Variants in RNF213 observed in about 807,000 individuals in gnomAD.
RNF213 encodes E3 ubiquitin-protein ligase RNF213.
RNF213 carries 341 observed loss-of-function variants against 514.4 expected under a neutral mutation model. The observed-to-expected ratio is 0.66, with a 90% CI of 0.61 to 0.73. RNF213 has a LOEUF of 0.73. RNF213 is among the 30% of genes least tolerant of loss of function. The pLI is 0.00. For missense variants in RNF213, 5,767 were observed against 6,615.6 expected (o/e 0.87, Z 4.45); for synonymous variants, 2,655 against 2,658.2 (o/e 1.00, Z 0.04).
intron 3 of RNF213, among the ~76,000 whole-genome samples, chr17:80,287,008 T>C (rs1447357627): frequency 6.6e-6 from 1 of 152,210 alleles, no homozygotes; most frequent in Non-Finnish European, 1.5e-5. Context: ...TCAAATTTTA[T>C]GTACGAAATA....
At chr17:80,368,562 A>T (rs1231061477) in intron 44 of RNF213, among the ~76,000 whole-genome samples, 2 of 151,648 alleles carry the variant, frequency 1.3e-5, no homozygotes, top group Non-Finnish European at 2.9e-5. Context: ...CCTCCCAAGT[A>T]GCTGGGATTA....
chr17:80,307,331 T>TAAATTAATATGTG (rs2045399856), intron 13 of RNF213, 130 bp downstream of exon 13: 2 of 753,240 alleles, frequency 2.7e-6, no homozygotes, highest in African/African-American at 3.6e-5. Context: ...TGTGGCCCAC[T>TAAATTAATATGTG]TCTCTTCTCA....
rs1056484153 is a variant in RNF213, at chr17:80,377,118, T to C, written c.13510+155T>C. On this transcript the variant is annotated intron_variant, in intron 53 of 67. Coordinates refer to ENST00000582970, the MANE Select transcript of RNF213 (RefSeq NM_001256071.3). The surrounding 1 kb of genome is among the most constrained non-coding windows in gnomAD (Gnocchi z 4.1). ...ACCGGTGGCGTCTGCAGAAGACGAA[T>C]GGCTTGAAGGAGCTGGCACTCCGCC... is the stretch of plus-strand genomic sequence containing the variant. The C allele has an allele frequency of 8.9e-6, 6 of 674,822 alleles. No homozygotes were observed. Among genetic ancestry groups the C allele is most frequent in the African/African-American group, 3.6e-5 (2 of 56,274 alleles). The allele number at this position is 674,822 out of a possible 1,614,324, so 41.8% of individuals were successfully genotyped here. A position where few individuals can be genotyped will look rare whatever the true frequency, so the allele number is the denominator to read the frequency against.
At chr17:80,320,777 C>T (rs144159221) in intron 17 of RNF213, 1,546 of 152,234 alleles carry the variant, frequency 0.01, 16 homozygotes, top group Non-Finnish European at 0.016. Flanking sequence ...GAGTTCAAGA[C>T]AAGCCTGGGT....
Position 80,332,241 on chromosome 17 carries a change from G to C in RNF213, c.3753G>C (p.Gln1251His). 1 of 1,537,224 alleles carries C rather than the reference G, an allele frequency of 6.5e-7. No homozygotes were observed. The highest frequency in any genetic ancestry group is 8.7e-7 in the Non-Finnish European group (1 of 1,146,918). ...AEPLSEPKEDQEAAELLSEPE... is the reference protein window; with the variant it reads ...AEPLSEPKEDHEAAELLSEPE... ...CGCTGAGTGAGCCTAAGGAGGACCA[G>C]GAAGCCGCAGAGTTGCTGAGTGAGC... Residue 1251 changes from glutamine (Q) to histidine (H), a missense_variant, in exon 21 of 68, where the codon CAG (glutamine) becomes CAC (histidine). Coordinates refer to ENST00000582970, the MANE Select transcript of RNF213 (RefSeq NM_001256071.3).
At chr17:80,283,003 C>G (rs2044351443) in intron 3 of RNF213, among the ~76,000 whole-genome samples, 1 of 152,074 alleles carries the variant, frequency 6.6e-6, no homozygotes, top group Non-Finnish European at 1.5e-5. Context: ...TGGCCTGATT[C>G]AATATTTTAA....
chr17:80,371,232 C>G (rs1424992266), intron 46 of RNF213, among the ~76,000 whole-genome samples: 1 of 152,234 alleles, frequency 6.6e-6, no homozygotes, highest in African/African-American at 2.4e-5. Flanking sequence ...CAACTAACCT[C>G]TAGACATGAC....
At chr17:80,267,486 G>A (rs1370589145) in intron 2 of RNF213, among the ~76,000 whole-genome samples, 2 of 152,164 alleles carry the variant, frequency 1.3e-5, no homozygotes, top group African/African-American at 2.4e-5. Flanking sequence ...CAAATGATTA[G>A]AGAGTGAAAC....
intron 2 of RNF213, among the ~76,000 whole-genome samples, chr17:80,265,184 C>T (rs113179528): frequency 0.03 from 4,622 of 151,958 alleles, 107 homozygotes; most frequent in East Asian, 0.11. Flanking sequence ...GTAGCTGGGA[C>T]TACTGGTACC....
At chr17:80,285,229 C>A (rs1054065405) in intron 3 of RNF213, among the ~76,000 whole-genome samples, 1 of 152,236 alleles carries the variant, frequency 6.6e-6, no homozygotes, top group Non-Finnish European at 1.5e-5. Flanking sequence ...CATCTGCTGT[C>A]TCCACTTTAA....
chr17:80,345,937 G>A lies in RNF213; in HGVS notation c.7602G>A (p.Met2534Ile), dbSNP rs944185612. The change falls in exon 29 of 68, where the codon ATG becomes ATA. Residue 2534 changes from methionine (M) to isoleucine (I), a missense_variant. Physicochemically the swap from Met to Ile is conservative, Grantham distance 10 (BLOSUM62 1). Around this residue, in one of 13 missense-constraint regions of RNF213, gnomAD observed 1,377 missense variants for 1,635.2 expected, o/e 0.84. Coordinates refer to ENST00000582970, the MANE Select transcript of RNF213 (RefSeq NM_001256071.3). The surrounding 1 kb of genome is among the most constrained non-coding windows in gnomAD (Gnocchi z 6.0). ...CATACCGGAAGCACTCTGAGGAGAT[G>A]ATCTGCCGTTTGGAGTCAGCTGGTT... Reference protein sequence around the residue: ...CNPYRKHSEEMICRLESAGLG... With the variant: ...CNPYRKHSEEIICRLESAGLG... 3.7e-6 allele frequency: 6 copies of A among 1,614,126 alleles called. No individual in the cohort carries two copies. In the African/African-American group the frequency reaches 5.3e-5, roughly 14 times the overall value.
chr17:80,368,024 C>A lies in RNF213; in HGVS notation c.12036C>A (p.Cys4012Ter). 1 of 1,614,254 alleles carries A rather than the reference C, an allele frequency of 6.2e-7. No homozygotes were observed. The highest frequency in any genetic ancestry group is 8.5e-7 in the Non-Finnish European group (1 of 1,180,048). The change falls in exon 44 of 68, where the codon TGC becomes TGA. Residue 4012 changes from cysteine to a stop codon, truncating the protein, a stop_gained. Transcript: ENST00000582970. LOFTEE classifies it high-confidence loss of function. Reference protein sequence around the residue: ...GDAKDPVCLPCDHVHCLRCLR... With the variant: ...GDAKDPVCLP Reference sequence around the variant, plus strand: ...CAAAGGACCCCGTCTGTCTGCCCTGCGACCACGTGCACTGCCTGCGCTGCC... The same window carrying A: ...CAAAGGACCCCGTCTGTCTGCCCTGAGACCACGTGCACTGCCTGCGCTGCC...
At chr17:80,350,504 A>C (rs1047788840) in intron 31 of RNF213, 108 bp downstream of exon 31, 3 of 725,134 alleles carry the variant, frequency 4.1e-6, no homozygotes, top group African/African-American at 3.5e-5. Flanking sequence ...CAGTATAGAA[A>C]TAAAAATAAC....
intron 9 of RNF213, among the ~76,000 whole-genome samples, 166 bp from the exon 10 acceptor site, chr17:80,295,391 A>C (rs2044897387): frequency 6.6e-6 from 1 of 152,194 alleles, no homozygotes; most frequent in African/African-American, 2.4e-5. Context: ...CTGAGCCCTC[A>C]TGCCAGGGTC....
At chr17:80,367,646 C>G (rs1051876931) in intron 42 of RNF213, 102 bp from the exon 43 acceptor site, 5 of 845,222 alleles carry the variant, frequency 5.9e-6, no homozygotes, top group Admixed American at 3.8e-5. Context: ...CCCACACACA[C>G]GGCGCAGCCT....
At chr17:80,384,130 C>T (rs2080134805) in intron 59 of RNF213, among the ~76,000 whole-genome samples, 1 of 152,234 alleles carries the variant, frequency 6.6e-6, no homozygotes, top group African/African-American at 2.4e-5. Flanking sequence ...CGTAAAGTCA[C>T]AGACGAAATA....
intron 3 of RNF213, chr17:80,279,036 G>GGCA: frequency 8.1e-7 from 1 of 1,241,674 alleles, no homozygotes; most frequent in Non-Finnish European, 1.1e-6. Flanking sequence ...GCCCAGGATG[G>GGCA]GCGTTTTCGG....
rs370527198 is a variant in RNF213 at position 80,292,622 on chromosome 17, C to T, written c.1471+795C>T. Among the ~76,000 whole-genome samples the T allele has an allele frequency of 4.6e-5, 7 of 152,072 alleles. No individual in the cohort carries two copies. In the South Asian group the frequency reaches 1.5e-3, roughly 32 times the overall value. ...CCCTCTGCCCATCTGTCAATAGACG[C>T]GGGCGCTTCCCTTCTCGCAGAGCCC... On this transcript the variant is annotated intron_variant, in intron 8 of 67. Coordinates refer to ENST00000582970, the MANE Select transcript of RNF213 (RefSeq NM_001256071.3).
Position 80,345,267 on chromosome 17 carries a change from A to C in RNF213, c.6932A>C (p.Asp2311Ala). ...EPHPYVFFND[D>A]HTTMTFIGFH... ...CACCCATACGTTTTCTTCAATGACG[A>C]CCACACAACCATGACATTCATCGGC... is the stretch of plus-strand genomic sequence containing the variant. Residue 2311 changes from aspartate (D) to alanine (A), a missense_variant, in exon 29 of 68, where the codon GAC (aspartate) becomes GCC (alanine). Coordinates refer to ENST00000582970, the MANE Select transcript of RNF213 (RefSeq NM_001256071.3). The surrounding 1 kb of genome is among the most constrained non-coding windows in gnomAD (Gnocchi z 6.0). 6.2e-7 allele frequency: 1 copy of C among 1,614,076 alleles called. No homozygotes were observed. The highest frequency in any genetic ancestry group is 8.5e-7 in the Non-Finnish European group (1 of 1,180,018).
Sources: gnomAD v4.1 joint callset for allele counts (sites outside exome capture counted in the v4.1 genomes callset) on GRCh38, gnomAD v4.1.1 for gene constraint, gnomAD v4.1.1 regional missense constraint, Gnocchi (gnomAD v3.1) non-coding constraint, MANE v1.5 for transcripts, NCBI Gene and HGNC (gene_info 2026-07-23, HGNC 2026-07-21) for gene names.